RETREG1: variants seen among roughly 807,000 people sequenced by gnomAD.
RETREG1 encodes the protein reticulophagy regulator 1, also known as family with sequence similarity 134 member B.
RETREG1 carries 44 observed loss-of-function variants against 54.8 expected under a neutral mutation model. The observed-to-expected ratio is 0.80, with a 90% CI of 0.63 to 1.03. The LOEUF (loss-of-function observed/expected upper bound fraction) is 1.03. Ranked by LOEUF, RETREG1 falls within the 50% of genes least tolerant of loss-of-function variation. The pLI is 0.00. For missense variants in RETREG1, 554 were observed against 605.1 expected, an observed-to-expected ratio of 0.92 and a Z score of 0.89; for synonymous variants, 217 against 238.5, an observed-to-expected ratio of 0.91 and a Z score of 0.83.
At chr5:16,571,929 C>G in intron 2 of RETREG1, 67 bp downstream of exon 2, 1 of 1,226,460 alleles carries the variant, frequency 8.2e-7, no homozygotes, top group Admixed American at 1.7e-5. Context: ...AATATGCCTA[C>G]ACAAAGATCA....
chr5:16,590,503 T>C (rs142672757), intron 1 of RETREG1, among the ~76,000 whole-genome samples: 70 of 152,276 alleles, frequency 4.6e-4, no homozygotes, highest in African/African-American at 1.5e-3. Flanking sequence ...CAAGTAGTAA[T>C]ATAAAACTTA....
At chr5:16,519,457 C>A (rs1561101398) in intron 3 of RETREG1, among the ~76,000 whole-genome samples, 1 of 152,230 alleles carries the variant, frequency 6.6e-6, no homozygotes, top group South Asian at 2.1e-4. Context: ...CCTGCCTCAT[C>A]TGGACAGCCA....
intron 1 of RETREG1, among the ~76,000 whole-genome samples, chr5:16,586,667 T>C (rs571138641): frequency 6.6e-6 from 1 of 152,350 alleles, no homozygotes; most frequent in South Asian, 2.1e-4. Flanking sequence ...ACTCTAGTTC[T>C]AGAGAATGCG....
At chr5:16,584,583 G>A (rs913190422) in intron 1 of RETREG1, among the ~76,000 whole-genome samples, 2 of 152,016 alleles carry the variant, frequency 1.3e-5, no homozygotes, top group African/African-American at 4.8e-5. Context: ...ACATTTTGCT[G>A]GAAGATAATT....
chr5:16,500,613 A>G (rs934272977), intron 3 of RETREG1, among the ~76,000 whole-genome samples: 1 of 152,172 alleles, frequency 6.6e-6, no homozygotes. Context: ...GACTAAAGCA[A>G]ACCAGCTGCA....
In RETREG1 at chr5:16,503,451, G is replaced by A. The variant is rs1739805408; in HGVS notation, c.459-19979C>T. On this transcript the variant is annotated intron_variant, in intron 3 of 8. Transcript: ENST00000306320. Reference sequence around the variant, plus strand: ...TGGGAGCCCGAGGCGGGTGGATCACGAGGTCAGGAGTTCAAGACCAGCCTG... The same window carrying A: ...TGGGAGCCCGAGGCGGGTGGATCACAAGGTCAGGAGTTCAAGACCAGCCTG... Among the ~76,000 whole-genome samples the A allele has an allele frequency of 7.2e-5, 11 of 152,016 alleles. 1 individual carries two copies. The South Asian group carries it at 2.3e-3, about 32-fold the overall frequency.
At chr5:16,615,762 T>C (rs1041191085) in intron 1 of RETREG1, among the ~76,000 whole-genome samples, 20 of 152,238 alleles carry the variant, frequency 1.3e-4, no homozygotes, top group African/African-American at 4.6e-4. Flanking sequence ...AATTTATTTA[T>C]TTCTCAACTT....
intron 3 of RETREG1, among the ~76,000 whole-genome samples, chr5:16,520,544 G>T (rs1025934888): frequency 6.6e-6 from 1 of 152,004 alleles, no homozygotes; most frequent in Non-Finnish European, 1.5e-5. Context: ...TGGCCAGGCT[G>T]GTCTGGAACT....
chr5:16,563,331 C>T lies in RETREG1; in HGVS notation c.458+2432G>A, dbSNP rs1186476043. ...GGAGTGCAGTGGCGTGATCTCCGCT[C>T]ACTGCAACCTCTGCCTCCTGGGTTC... On this transcript the variant is annotated intron_variant, in intron 3 of 8. Coordinates refer to ENST00000306320, the MANE Select transcript of RETREG1 (RefSeq NM_001034850.3). Among the ~76,000 whole-genome samples, 16 of 152,276 alleles carry T rather than the reference C, an allele frequency of 1.1e-4. No homozygotes were observed. In the East Asian group the frequency reaches 3.1e-3, roughly 29 times the overall value.
chr5:16,532,340 C>T (rs1332942099), intron 3 of RETREG1, among the ~76,000 whole-genome samples: 1 of 152,158 alleles, frequency 6.6e-6, no homozygotes, highest in Non-Finnish European at 1.5e-5. Flanking sequence ...GCCTGACCAA[C>T]ATGGTGAAAC....
At chr5:16,521,543 C>T (rs748097826) in intron 3 of RETREG1, among the ~76,000 whole-genome samples, 4 of 152,204 alleles carry the variant, frequency 2.6e-5, no homozygotes, top group Admixed American at 6.5e-5. Context: ...TCAAGTCTCA[C>T]TGCTCTTAGC....
intron 1 of RETREG1, among the ~76,000 whole-genome samples, chr5:16,586,485 G>C (rs531955732): frequency 2.1e-4 from 32 of 152,202 alleles, no homozygotes; most frequent in Admixed American, 3.9e-4. Context: ...TACTTCGACT[G>C]GTCACAAGCA....
chr5:16,482,514 TACACTC>T (rs1171388572), intron 4 of RETREG1, among the ~76,000 whole-genome samples: 2 of 151,926 alleles, frequency 1.3e-5, no homozygotes, highest in Admixed American at 6.6e-5. Context: ...GCCACTTTAA[TACACTC>T]AAAATGTCTC....
chr5:16,581,451 T>G (rs141003533), intron 1 of RETREG1, among the ~76,000 whole-genome samples: 11 of 152,022 alleles, frequency 7.2e-5, no homozygotes, highest in Non-Finnish European at 1.5e-4. Flanking sequence ...CACTGGATCT[T>G]CCAGGTAAGA....
chr5:16,584,316 A>G (rs1183730393), intron 1 of RETREG1, among the ~76,000 whole-genome samples: 1 of 152,188 alleles, frequency 6.6e-6, no homozygotes, highest in Non-Finnish European at 1.5e-5. Flanking sequence ...TACACAGAAA[A>G]TCAGAATCAC....
At position 16,524,610 on chromosome 5, in the gene RETREG1, G is replaced by A. The variant is rs542867680; in HGVS notation, c.459-41138C>T. On this transcript the variant is annotated intron_variant, in intron 3 of 8. Coordinates refer to ENST00000306320, the MANE Select transcript of RETREG1 (RefSeq NM_001034850.3). The stretch of plus-strand genomic sequence containing the variant: ...GCTTATTTATAACCAAGGAGAATTT[G>A]TTTCTATCAAATGTGGTTTTATATT... Among the ~76,000 whole-genome samples, 4 of 152,292 alleles carry A rather than the reference G, an allele frequency of 2.6e-5. No homozygotes were observed. The South Asian group carries it at 8.3e-4, about 32-fold the overall frequency.
At chr5:16,528,946 G>A (rs1336403468) in intron 3 of RETREG1, among the ~76,000 whole-genome samples, 4 of 151,992 alleles carry the variant, frequency 2.6e-5, no homozygotes, top group Non-Finnish European at 4.4e-5. Context: ...TCACCCACAC[G>A]TACACGCACC....
chr5:16,595,555 A>G (rs1742877670), intron 1 of RETREG1, among the ~76,000 whole-genome samples: 1 of 152,240 alleles, frequency 6.6e-6, no homozygotes, highest in South Asian at 2.1e-4. Flanking sequence ...TGCATTTTCA[A>G]CTGCCAAAAA....
At chr5:16,613,572 T>C (rs964850382) in intron 1 of RETREG1, among the ~76,000 whole-genome samples, 1 of 152,228 alleles carries the variant, frequency 6.6e-6, no homozygotes, top group Non-Finnish European at 1.5e-5. Context: ...TAATAAATGT[T>C]GAAGCTTTTG....
Sources: allele counts gnomAD v4.1 joint callset (sites outside exome capture counted in the v4.1 genomes callset), GRCh38; gene constraint gnomAD v4.1.1; transcripts MANE v1.5; gene names NCBI Gene and HGNC (gene_info 2026-07-23, HGNC 2026-07-21).